The following RBMS3 variants were observed in gnomAD, a reference collection of about 807,000 sequenced individuals.
RBMS3 encodes RNA binding motif single stranded interacting protein 3.
Under a neutral mutation model 66.8 loss-of-function variants are expected in RBMS3, and 27 were observed. The observed-to-expected ratio is 0.40, with a 90% CI of 0.30 to 0.56. The LOEUF is 0.56. Ranked by LOEUF, RBMS3 falls within the 20% of genes least tolerant of loss-of-function variation. RBMS3 has a pLI of 0.40. For synonymous variants in RBMS3, 188 were observed against 183.0 expected (o/e 1.03, Z -0.22); for missense variants, 513 against 549.5 (o/e 0.93, Z 0.66).
chr3:29,471,718 G>GTTTTTTTTTTTTTTTTTTTTTT (rs397793236), intron 2 of RBMS3, among the ~76,000 whole-genome samples: 1 of 71,170 alleles, frequency 1.4e-5, no homozygotes. Flanking sequence ...TGAGGACTTA[G>GTTTTTTTTTTTTTTTTTTTTTT]TTTTTTTTTT....
intron 4 of RBMS3, among the ~76,000 whole-genome samples, chr3:29,643,557 C>T (rs968703473): frequency 6.6e-6 from 1 of 152,126 alleles, no homozygotes; most frequent in African/African-American, 2.4e-5. Context: ...AGGGTACATT[C>T]ACGGATCCAT....
chr3:29,528,175 T>C (rs1335954345), intron 3 of RBMS3, among the ~76,000 whole-genome samples: 1 of 148,188 alleles, frequency 6.7e-6, no homozygotes, highest in Non-Finnish European at 1.5e-5. Flanking sequence ...TGCAATGGCA[T>C]GATCTAGGCT....
At chr3:29,411,369 C>A (rs1487026439) in intron 1 of RBMS3, among the ~76,000 whole-genome samples, 3 of 152,126 alleles carry the variant, frequency 2.0e-5, no homozygotes, top group African/African-American at 7.2e-5. Context: ...TTTGACAAAT[C>A]CTCATTCTAT....
chr3:29,357,809 G>A (rs1298919071), intron 1 of RBMS3, among the ~76,000 whole-genome samples: 1 of 152,172 alleles, frequency 6.6e-6, no homozygotes, highest in Non-Finnish European at 1.5e-5. Context: ...GTGATGATGA[G>A]CATTTTTTCA....
intron 1 of RBMS3, among the ~76,000 whole-genome samples, chr3:29,346,971 A>T (rs530411504): frequency 1.4e-4 from 21 of 152,198 alleles, no homozygotes; most frequent in Non-Finnish European, 3.1e-4. Context: ...CACTATGAAA[A>T]ACAAGTTCTT....
chr3:29,476,629 G>A (rs2042957435), intron 2 of RBMS3, among the ~76,000 whole-genome samples: 1 of 152,270 alleles, frequency 6.6e-6, no homozygotes, highest in Non-Finnish European at 1.5e-5. Context: ...CAAAATAGCT[G>A]TGGTCTCTTT....
intron 3 of RBMS3, among the ~76,000 whole-genome samples, chr3:29,525,757 T>G (rs548129389): frequency 2.0e-5 from 3 of 152,222 alleles, no homozygotes; most frequent in African/African-American, 7.2e-5. Flanking sequence ...GCTAGCAGGG[T>G]TCAATTTCAG....
At chr3:29,645,126 A>G (rs2049867410) in intron 4 of RBMS3, among the ~76,000 whole-genome samples, 1 of 152,196 alleles carries the variant, frequency 6.6e-6, no homozygotes, top group Admixed American at 6.5e-5. Flanking sequence ...CTATTTCTCA[A>G]TACAAGTTAA....
intron 4 of RBMS3, among the ~76,000 whole-genome samples, chr3:29,644,477 T>C (rs1202781221): frequency 1.3e-5 from 2 of 152,196 alleles, no homozygotes; most frequent in Non-Finnish European, 2.9e-5. Flanking sequence ...GTCTGAAGCC[T>C]GTGGACCTAG....
chr3:29,603,378 C>T (rs2048211080), intron 4 of RBMS3, among the ~76,000 whole-genome samples: 1 of 151,942 alleles, frequency 6.6e-6, no homozygotes. Context: ...GAAAGTACTG[C>T]AAAATTCATA....
chr3:29,841,887 G>C (rs938637811), intron 6 of RBMS3, among the ~76,000 whole-genome samples: 4 of 151,994 alleles, frequency 2.6e-5, no homozygotes, highest in Admixed American at 2.6e-4. Flanking sequence ...TTAGGAAGAA[G>C]AGACACAATC....
chr3:29,623,044 A>G (rs572696271), intron 4 of RBMS3, among the ~76,000 whole-genome samples: 2 of 150,158 alleles, frequency 1.3e-5, no homozygotes, highest in Non-Finnish European at 3.0e-5. Flanking sequence ...GTGAACTGGC[A>G]AGCTTGCAGT....
intron 1 of RBMS3, among the ~76,000 whole-genome samples, chr3:29,375,945 A>G (rs1575652690): frequency 6.6e-6 from 1 of 152,208 alleles, no homozygotes; most frequent in East Asian, 1.9e-4. Context: ...CATGGAATCA[A>G]CCTAAATGCC....
chr3:29,706,986 C>T (rs991894934), intron 4 of RBMS3, among the ~76,000 whole-genome samples: 12 of 152,074 alleles, frequency 7.9e-5, no homozygotes, highest in Non-Finnish European at 5.9e-5. Flanking sequence ...ACTATTGCCC[C>T]CTTTTAGGAT....
intron 1 of RBMS3, among the ~76,000 whole-genome samples, chr3:29,343,766 T>G (rs1193491334): frequency 6.6e-6 from 1 of 152,176 alleles, no homozygotes; most frequent in Admixed American, 6.5e-5. Context: ...AATTTAACTT[T>G]CCTGCTGCTT....
chr3:29,929,055 G>C (rs2061034008), intron 10 of RBMS3, among the ~76,000 whole-genome samples: 1 of 152,116 alleles, frequency 6.6e-6, no homozygotes, highest in African/African-American at 2.4e-5. Context: ...AGAAAAATAA[G>C]AGGAAAAAAT....
intron 5 of RBMS3, among the ~76,000 whole-genome samples, chr3:29,750,869 A>G (rs2055145500): frequency 6.6e-6 from 1 of 152,206 alleles, no homozygotes; most frequent in African/African-American, 2.4e-5. Context: ...CCAGGTTAGT[A>G]CAAATTAAAA....
chr3:29,970,428 T>C (rs1193545792), intron 12 of RBMS3, among the ~76,000 whole-genome samples: 1 of 152,210 alleles, frequency 6.6e-6, no homozygotes, highest in East Asian at 1.9e-4. Context: ...TTTGCTTATC[T>C]ATTTATTTCA....
chr3:29,578,239 G>A (rs2047190702), intron 3 of RBMS3, among the ~76,000 whole-genome samples: 1 of 152,186 alleles, frequency 6.6e-6, no homozygotes, highest in South Asian at 2.1e-4. Flanking sequence ...TGTTTTGAAG[G>A]TAGACTAAAG....
Sources: gnomAD v4.1 joint callset for allele counts (sites outside exome capture counted in the v4.1 genomes callset) on GRCh38, gnomAD v4.1.1 for gene constraint, MANE v1.5 for transcripts, NCBI Gene and HGNC (gene_info 2026-07-23, HGNC 2026-07-21) for gene names.